MTHFD1L: variants seen among roughly 807,000 people sequenced by gnomAD.
MTHFD1L encodes monofunctional C1-tetrahydrofolate synthase, mitochondrial.
In MTHFD1L, 81 loss-of-function variants were observed where a neutral mutation model predicts 119.5. The observed-to-expected ratio is 0.68, with a 90% confidence interval of 0.57 to 0.82. The LOEUF (loss-of-function observed/expected upper bound fraction) is 0.82, where lower values mean the gene tolerates loss of function less well. MTHFD1L is among the 40% of genes least tolerant of loss of function. MTHFD1L has a pLI of 0.00. For missense variants in MTHFD1L, 1,125 were observed against 1,253.4 expected (o/e 0.90, Z 1.55); for synonymous variants, 430 against 475.2 (o/e 0.90, Z 1.24).
At chr6:150,975,971 G>T (rs1303706919) in intron 20 of MTHFD1L, among the ~76,000 whole-genome samples, 1 of 152,186 alleles carries the variant, frequency 6.6e-6, no homozygotes, top group Non-Finnish European at 1.5e-5. Context: ...GCCAAGGCGG[G>T]TGGATCACCT....
chr6:151,047,140 T>C (rs2128564935), intron 26 of MTHFD1L, among the ~76,000 whole-genome samples: 2 of 152,336 alleles, frequency 1.3e-5, no homozygotes, highest in South Asian at 4.1e-4. Context: ...AAAGACATGA[T>C]GCATATGAAA....
chr6:150,959,124 T>C (rs996758983), intron 17 of MTHFD1L: 33 of 891,628 alleles, frequency 3.7e-5, no homozygotes, highest in Non-Finnish European at 4.2e-5. Flanking sequence ...ATTGAGAATG[T>C]AATAATTGAA....
At chr6:150,904,650 G>T (rs924916196) in intron 7 of MTHFD1L, among the ~76,000 whole-genome samples, 12 of 152,136 alleles carry the variant, frequency 7.9e-5, no homozygotes, top group African/African-American at 2.7e-4. Flanking sequence ...ATCATCAGTT[G>T]CTCAGTAGGG....
intron 16 of MTHFD1L, 142 bp from the exon 17 acceptor site, chr6:150,955,853 A>G: frequency 1.5e-6 from 1 of 665,568 alleles, no homozygotes; most frequent in South Asian, 1.8e-5. Context: ...CTCTATGTCT[A>G]CCCACTAGAT....
At chr6:151,037,434 G>T (rs1416236088) in intron 26 of MTHFD1L, among the ~76,000 whole-genome samples, 1 of 152,110 alleles carries the variant, frequency 6.6e-6, no homozygotes, top group Non-Finnish European at 1.5e-5. Context: ...GACAGTGGTT[G>T]TCAACCTTTA....
At position 151,077,716 on chromosome 6, in the gene MTHFD1L, AAAAC is replaced by A. The variant is rs1792681679; in HGVS notation, c.2848-14747_2848-14744del. The stretch of plus-strand genomic sequence containing the variant: ...AATAAATAAAAGTTATCAAAAAACA[AAAAC>A]AAAACCATAATACTGGAGGCTAGAT... On this transcript the variant is annotated intron_variant, in intron 26 of 27. Coordinates refer to ENST00000367321, the MANE Select transcript of MTHFD1L (RefSeq NM_015440.5). Among the ~76,000 whole-genome samples, 3 of 151,800 alleles carry A rather than the reference AAAAC, an allele frequency of 2.0e-5. No individual in the cohort carries two copies. In the South Asian group the frequency reaches 6.3e-4, roughly 32 times the overall value.
At chr6:151,042,111 C>T (rs1018673999) in intron 26 of MTHFD1L, 8 of 246,552 alleles carry the variant, frequency 3.2e-5, no homozygotes, top group Non-Finnish European at 2.4e-5. Context: ...GCTGTTGTAA[C>T]TGAAGCCCCC....
chr6:150,952,742 A>G (rs1795036895), intron 16 of MTHFD1L, among the ~76,000 whole-genome samples: 2 of 152,036 alleles, frequency 1.3e-5, no homozygotes, highest in Admixed American at 1.3e-4. Context: ...GTTGGCCAGG[A>G]TGGTCTCGAT....
chr6:150,900,019 A>C (rs1456444009), intron 7 of MTHFD1L, among the ~76,000 whole-genome samples: 1 of 148,194 alleles, frequency 6.7e-6, no homozygotes, highest in Non-Finnish European at 1.5e-5. Context: ...TATATATTAT[A>C]TATTTATATT....
intron 26 of MTHFD1L, among the ~76,000 whole-genome samples, chr6:151,086,133 G>A (rs534954548): frequency 6.6e-6 from 1 of 152,254 alleles, no homozygotes; most frequent in Non-Finnish European, 1.5e-5. Flanking sequence ...GAGCATCCCT[G>A]CCGACCAGGA....
intron 11 of MTHFD1L, among the ~76,000 whole-genome samples, chr6:150,927,292 C>T (rs754059946): frequency 6.6e-6 from 1 of 151,944 alleles, no homozygotes; most frequent in South Asian, 2.1e-4. Context: ...ACTGTTTTGA[C>T]GCTGATAGAG....
chr6:150,952,747 C>T (rs975307891), intron 16 of MTHFD1L, among the ~76,000 whole-genome samples: 7 of 152,120 alleles, frequency 4.6e-5, no homozygotes, highest in Non-Finnish European at 1.0e-4. Context: ...CCAGGATGGT[C>T]TCGATTTCCT....
At chr6:151,058,895 T>C (rs570484056) in intron 26 of MTHFD1L, among the ~76,000 whole-genome samples, 1 of 152,382 alleles carries the variant, frequency 6.6e-6, no homozygotes, top group Non-Finnish European at 1.5e-5. Context: ...CAGGCTGGTC[T>C]TGAACTCCTG....
intron 26 of MTHFD1L, among the ~76,000 whole-genome samples, chr6:151,080,831 G>C (rs1793074086): frequency 6.6e-6 from 1 of 152,128 alleles, no homozygotes; most frequent in African/African-American, 2.4e-5. Context: ...ACATCCCTGT[G>C]ACCTCTTCCT....
intron 7 of MTHFD1L, among the ~76,000 whole-genome samples, chr6:150,898,673 C>A (rs753414630): frequency 6.6e-6 from 1 of 152,014 alleles, no homozygotes; most frequent in Non-Finnish European, 1.5e-5. Flanking sequence ...TTGAGCATTT[C>A]CTTAATTTTG....
intron 26 of MTHFD1L, among the ~76,000 whole-genome samples, chr6:151,058,676 C>T (rs1404546642): frequency 6.6e-6 from 1 of 152,202 alleles, no homozygotes. Flanking sequence ...GGACTCCTGC[C>T]CCTGCCTGAG....
At chr6:150,874,555 A>G (rs895873906) in intron 1 of MTHFD1L, among the ~76,000 whole-genome samples, 1 of 152,166 alleles carries the variant, frequency 6.6e-6, no homozygotes, top group African/African-American at 2.4e-5. Context: ...GCAGTGCAAG[A>G]CCCTGTCGGA....
At chr6:150,975,031 C>G (rs1776357260) in intron 20 of MTHFD1L, among the ~76,000 whole-genome samples, 1 of 152,132 alleles carries the variant, frequency 6.6e-6, no homozygotes. Context: ...AGCCACCACA[C>G]CCGGCTAGAA....
chr6:150,962,731 C>T (rs1796619866), intron 18 of MTHFD1L, among the ~76,000 whole-genome samples: 1 of 152,142 alleles, frequency 6.6e-6, no homozygotes, highest in African/African-American at 2.4e-5. Context: ...CAGAAACATC[C>T]CTCTTAACTT....
Sources: gnomAD v4.1 joint callset for allele counts (sites outside exome capture counted in the v4.1 genomes callset) on GRCh38, gnomAD v4.1.1 for gene constraint, MANE v1.5 for transcripts, NCBI Gene and HGNC (gene_info 2026-07-23, HGNC 2026-07-21) for gene names.